Variants in UEVLD observed in about 807,000 individuals in gnomAD.
UEVLD encodes the protein UEV and lactate/malate dehyrogenase domains.
UEVLD carries 47 observed loss-of-function variants against 58.6 expected under a neutral mutation model. That is an observed-to-expected ratio of 0.80 (90% CI 0.63 to 1.02). The LOEUF is 1.02. UEVLD is among the 50% of genes least tolerant of loss of function. The pLI is 0.00. For synonymous variants in UEVLD, 197 were observed against 195.3 expected (o/e 1.01, Z -0.07); for missense variants, 510 against 550.6 (o/e 0.93, Z 0.74).
chr11:18,563,635 A>C, intron 6 of UEVLD: 4 of 965,136 alleles, frequency 4.1e-6, no homozygotes, highest in Non-Finnish European at 4.9e-6. Flanking sequence ...TCAGATGAGA[A>C]AACAAGCAAC....
chr11:18,563,513 C>G, intron 6 of UEVLD: 1 of 248,914 alleles, frequency 4.0e-6, no homozygotes, highest in Non-Finnish European at 6.4e-6. Context: ...ATGGCTTGAG[C>G]TGGGGAGGTG....
chr11:18,547,220 A>T (rs528725505), intron 7 of UEVLD, among the ~76,000 whole-genome samples, 170 bp from the exon 8 acceptor site: 1 of 152,208 alleles, frequency 6.6e-6, no homozygotes, highest in African/African-American at 2.4e-5. Flanking sequence ...TTTGCCTCCA[A>T]AAAGAGGATT....
intron 7 of UEVLD, among the ~76,000 whole-genome samples, chr11:18,551,882 A>C (rs1349990288): frequency 6.6e-6 from 1 of 152,236 alleles, no homozygotes; most frequent in East Asian, 1.9e-4. Context: ...TTCATGCTTT[A>C]ATATACTACT....
At chr11:18,565,259 AGAC>A (rs1852240135) in intron 5 of UEVLD, among the ~76,000 whole-genome samples, 1 of 152,208 alleles carries the variant, frequency 6.6e-6, no homozygotes, top group Admixed American at 6.5e-5. Flanking sequence ...ATATTGTATA[AGAC>A]TCTAAAAAAG....
intron 7 of UEVLD, among the ~76,000 whole-genome samples, chr11:18,551,736 C>G (rs1038484885): frequency 2.0e-5 from 3 of 152,198 alleles, no homozygotes; most frequent in Admixed American, 2.0e-4. Context: ...TCACCTCTTT[C>G]CCATTTCTAT....
intron 1 of UEVLD, 53 bp from the exon 2 acceptor site, chr11:18,578,861 C>T: frequency 7.4e-7 from 1 of 1,344,104 alleles, no homozygotes; most frequent in Non-Finnish European, 1.0e-6. Context: ...AGCAAAAGAA[C>T]AATTGCAGTT....
chr11:18,564,779 C>A, intron 6 of UEVLD, 113 bp downstream of exon 6: 2 of 665,818 alleles, frequency 3.0e-6, no homozygotes. Flanking sequence ...TATTTTAAGC[C>A]AAAATAAGGT....
chr11:18,546,808 T>A, intron 8 of UEVLD, 72 bp downstream of exon 8: 1 of 1,559,408 alleles, frequency 6.4e-7, no homozygotes, highest in Non-Finnish European at 8.7e-7. Flanking sequence ...TAAAGTTTTA[T>A]GGTTTTTATC....
chr11:18,557,609 G>A (rs945962363), intron 7 of UEVLD, among the ~76,000 whole-genome samples: 1 of 149,096 alleles, frequency 6.7e-6, no homozygotes, highest in African/African-American at 2.5e-5. Context: ...CTGGAGTGTG[G>A]TGGCTATTCA....
intron 8 of UEVLD, among the ~76,000 whole-genome samples, chr11:18,545,089 T>TGAGA (rs1851249066): frequency 6.8e-6 from 1 of 147,986 alleles, no homozygotes; most frequent in South Asian, 2.1e-4. Context: ...TTTTTTTTTT[T>TGAGA]TGAGATGGAG....
At chr11:18,559,344 GT>G (rs2134006721) in intron 6 of UEVLD, among the ~76,000 whole-genome samples, 1 of 152,012 alleles carries the variant, frequency 6.6e-6, no homozygotes, top group Admixed American at 6.6e-5. Flanking sequence ...GATTACAGGC[GT>G]GCACCACCTC....
At chr11:18,542,657 A>C (rs1851104673) in intron 9 of UEVLD, among the ~76,000 whole-genome samples, 1 of 152,060 alleles carries the variant, frequency 6.6e-6, no homozygotes, top group Non-Finnish European at 1.5e-5. Flanking sequence ...GAAAACTATA[A>C]ATTTTTAAAA....
intron 1 of UEVLD, among the ~76,000 whole-genome samples, chr11:18,586,064 T>C (rs1487798366): frequency 6.6e-6 from 1 of 152,236 alleles, no homozygotes; most frequent in African/African-American, 2.4e-5. Context: ...TGGAGAGAAC[T>C]GACAATCTTC....
chr11:18,553,201 C>T (rs2133992180), intron 7 of UEVLD, among the ~76,000 whole-genome samples: 1 of 150,212 alleles, frequency 6.7e-6, no homozygotes, highest in South Asian at 2.1e-4. Context: ...TGGCGTGCTC[C>T]CGTAATCCCA....
In UEVLD at chr11:18,570,374, T is replaced by C. The variant is rs200329073; in HGVS notation, c.197A>G (p.Asn66Ser). The change falls in exon 4 of 12, where the codon AAT (asparagine) becomes AGT (serine). Residue 66 changes from asparagine (N) to serine (S), a missense_variant. Coordinates refer to ENST00000396197, the MANE Select transcript of UEVLD (RefSeq NM_001040697.4). ...TGTIPVMYQG[N>S]TYNIPIRFWI... ...GAAACGAATTGGTATGTTATATGTA[T>C]TACCTATTTGAGACAAAAGAAACAT... is the stretch of plus-strand genomic sequence containing the variant. 2.0e-6 allele frequency: 3 copies of C among 1,536,912 alleles called. No individual in the cohort carries two copies. Among genetic ancestry groups the C allele is most frequent in the East Asian group, 4.7e-5 (2 of 42,360 alleles).
At chr11:18,572,696 C>G (rs1293598925) in intron 3 of UEVLD, among the ~76,000 whole-genome samples, 2 of 151,372 alleles carry the variant, frequency 1.3e-5, no homozygotes, top group Non-Finnish European at 2.9e-5. Context: ...CCCAGCTACT[C>G]AGGAGACTGA....
At chr11:18,542,366 A>T (rs1426983676) in intron 9 of UEVLD, among the ~76,000 whole-genome samples, 4 of 152,022 alleles carry the variant, frequency 2.6e-5, no homozygotes, top group African/African-American at 9.7e-5. Flanking sequence ...ATGAATGGAG[A>T]CATTCATTAC....
Position 18,570,370 on chromosome 11 carries a change from T to C in UEVLD, c.201A>G (p.Thr67=), listed in dbSNP as rs1167929782. 1.3e-6 allele frequency: 2 copies of C among 1,541,160 alleles called. No individual in the cohort carries two copies. The highest frequency in any genetic ancestry group is 2.3e-5 in the Admixed American group (1 of 43,650). The change falls in exon 4 of 12, where the codon ACA becomes ACG. Residue 67 remains threonine, a synonymous_variant. Transcript: ENST00000396197. The part of the protein sequence containing the change: ...GTIPVMYQGN[T]YNIPIRFWIL... ...TCCAGAAACGAATTGGTATGTTATA[T>C]GTATTACCTATTTGAGACAAAAGAA...
chr11:18,542,872 G>C (rs1464612563), intron 9 of UEVLD, among the ~76,000 whole-genome samples: 2 of 133,396 alleles, frequency 1.5e-5, no homozygotes. Context: ...CGGCAGAGGA[G>C]TTATTTTCTT....
Sources: gnomAD v4.1 joint callset for allele counts (sites outside exome capture counted in the v4.1 genomes callset) on GRCh38, gnomAD v4.1.1 for gene constraint, MANE v1.5 for transcripts, NCBI Gene and HGNC (gene_info 2026-07-23, HGNC 2026-07-21) for gene names.